The following CLASRP variants were observed in gnomAD, a reference collection of about 807,000 sequenced individuals.
CLASRP encodes the protein CLK4 associating serine/arginine rich protein, also known as CLK4-associating serine/arginine rich protein.
CLASRP carries 52 observed loss-of-function variants against 99.9 expected under a neutral mutation model. That is an observed-to-expected ratio of 0.52 (90% confidence interval 0.42 to 0.66). CLASRP has a LOEUF of 0.66. Ranked by LOEUF, CLASRP falls within the 30% of genes least tolerant of loss-of-function variation. The pLI is 0.00. For missense variants in CLASRP, 848 were observed against 999.2 expected (o/e 0.85, Z 2.04); for synonymous variants, 379 against 373.0 (o/e 1.02, Z -0.18).
intron 6 of CLASRP, among the ~76,000 whole-genome samples, chr19:45,057,347 G>T (rs181695948): frequency 6.6e-6 from 1 of 152,152 alleles, no homozygotes; most frequent in South Asian, 2.1e-4. Context: ...CCTCGTCCAC[G>T]GCCCCAGCCT....
chr19:45,040,415 T>C (rs1971789644), intron 2 of CLASRP, 104 bp downstream of exon 2: 2 of 726,958 alleles, frequency 2.8e-6, no homozygotes, highest in Admixed American at 2.3e-5. Flanking sequence ...GACAAGAGGC[T>C]CATTTCCTCA....
intron 13 of CLASRP, among the ~76,000 whole-genome samples, chr19:45,066,311 G>T (rs1967086127): frequency 6.6e-6 from 1 of 151,862 alleles, no homozygotes; most frequent in Admixed American, 6.6e-5. Flanking sequence ...GTAGAGACGG[G>T]GTTTCACTGT....
chr19:45,043,331 GAAC>G (rs1225371066), intron 2 of CLASRP, among the ~76,000 whole-genome samples: 1 of 138,698 alleles, frequency 7.2e-6, no homozygotes, highest in Non-Finnish European at 1.5e-5. Flanking sequence ...AGAATGGCAT[GAAC>G]CCGGGAGACA....
intron 6 of CLASRP, 95 bp downstream of exon 6, chr19:45,056,629 C>T (rs1972124294): frequency 3.1e-6 from 3 of 956,798 alleles, no homozygotes; most frequent in African/African-American, 1.6e-5. Flanking sequence ...ACCAGGGTCT[C>T]CCCGAAACCA....
intron 3 of CLASRP, 128 bp from the exon 4 acceptor site, chr19:45,052,663 C>A: frequency 1.5e-6 from 1 of 667,930 alleles, no homozygotes; most frequent in South Asian, 1.7e-5. Flanking sequence ...AGGTGAGGGT[C>A]ATGGCATGGG....
At chr19:45,068,336 AAAG>A in intron 15 of CLASRP, 81 bp from the exon 16 acceptor site, 2 of 267,226 alleles carry the variant, frequency 7.5e-6, no homozygotes, top group East Asian at 8.5e-5. Context: ...CCCCCCGCAC[AAAG>A]CCCCAGGCTT....
chr19:45,044,258 G>T (rs1971871697), intron 2 of CLASRP, among the ~76,000 whole-genome samples: 1 of 152,226 alleles, frequency 6.6e-6, no homozygotes, highest in South Asian at 2.1e-4. Flanking sequence ...CTCTGAACAG[G>T]CCTGCGAGGT....
rs1233782872 is a variant in CLASRP, at chr19:45,041,704, G to T, written c.99+1393G>T. 4.6e-5 allele frequency among the ~76,000 whole-genome samples: 7 copies of T among 152,310 alleles called. No individual in the cohort carries two copies. The South Asian group carries it at 1.2e-3, about 27-fold the overall frequency. ...CCTTCGTTGCTCAGAGCACCTCTAT[G>T]CCTCCTAAGTGCCCTTGAGAGAAAG... On this transcript the variant is annotated intron_variant, in intron 2 of 20. Coordinates refer to ENST00000221455, the MANE Select transcript of CLASRP (RefSeq NM_007056.3).
At chr19:45,059,608 C>T (rs1966893467) in intron 8 of CLASRP, among the ~76,000 whole-genome samples, 1 of 152,210 alleles carries the variant, frequency 6.6e-6, no homozygotes, top group South Asian at 2.1e-4. Context: ...GCGAATCTGA[C>T]TCTTCGAAGC....
rs1298985786 is a variant in CLASRP at position 45,064,434 on chromosome 19, G to T, written c.1213G>T (p.Gly405Cys). The change falls in exon 13 of 21, where the codon GGT (glycine) becomes TGT (cysteine). Residue 405 changes from glycine (G) to cysteine (C), a missense_variant. By Grantham distance (159) the Gly-to-Cys change is radical. Around this residue, in one of 8 missense-constraint regions of CLASRP, gnomAD observed 489 missense variants for 434.7 expected, o/e 1.12. Coordinates refer to ENST00000221455, the MANE Select transcript of CLASRP (RefSeq NM_007056.3). The stretch of plus-strand genomic sequence containing the variant: ...TCGCTCCAGCTCCCGCTCTCGCCGT[G>T]GTGGGGGCTACTACCGTTCCGGCCG... ...SSRSSSRSRR[G>C]GGYYRSGRHA... 6.0e-5 allele frequency: 91 copies of T among 1,524,916 alleles called. No individual in the cohort carries two copies. Among genetic ancestry groups the T allele is most frequent in the Non-Finnish European group, 7.9e-5 (90 of 1,136,864 alleles). 94.5% of individuals were successfully genotyped at this position (1,524,916 alleles called of 1,614,324 possible). A position where few individuals can be genotyped will look rare whatever the true frequency, so the allele number is the denominator to read the frequency against.
intron 2 of CLASRP, among the ~76,000 whole-genome samples, chr19:45,048,853 G>A (rs916132518): frequency 6.6e-6 from 1 of 151,702 alleles, no homozygotes; most frequent in East Asian, 1.9e-4. Context: ...AAGCGTGGTG[G>A]CGGGCACCTG....
intron 6 of CLASRP, 146 bp downstream of exon 6, chr19:45,056,680 T>C (rs1293159842): frequency 4.4e-6 from 3 of 678,872 alleles, no homozygotes; most frequent in Admixed American, 2.7e-5. Context: ...AATTAATAAC[T>C]GTGTAGAGGA....
intron 2 of CLASRP, 120 bp from the exon 3 acceptor site, chr19:45,051,949 CAG>C: frequency 2.8e-6 from 2 of 715,826 alleles, no homozygotes; most frequent in Non-Finnish European, 4.8e-6. Flanking sequence ...GCCTGGGCGA[CAG>C]AGTGAGGCTC....
intron 2 of CLASRP, among the ~76,000 whole-genome samples, chr19:45,044,161 C>T (rs1216627376): frequency 3.3e-5 from 5 of 152,334 alleles, no homozygotes; most frequent in South Asian, 2.1e-4. Flanking sequence ...GGATTATAGG[C>T]GTGAGCCACC....
intron 6 of CLASRP, among the ~76,000 whole-genome samples, chr19:45,056,769 G>T (rs1434483927): frequency 1.3e-5 from 2 of 152,208 alleles, no homozygotes; most frequent in African/African-American, 4.8e-5. Context: ...GGAGGTGCAG[G>T]CCCTGTGGTG....
chr19:45,053,676 C>T (rs754144632), intron 5 of CLASRP, among the ~76,000 whole-genome samples: 1 of 152,084 alleles, frequency 6.6e-6, no homozygotes, highest in Admixed American at 6.6e-5. Flanking sequence ...GACGGGGTTT[C>T]GCCATATTGG....
intron 2 of CLASRP, among the ~76,000 whole-genome samples, chr19:45,043,411 CAAAAAAAAAAAA>C (rs34898629): frequency 1.2e-5 from 1 of 81,764 alleles, no homozygotes; most frequent in African/African-American, 5.1e-5. Context: ...GACTCCGTCC[CAAAAAAAAAAAA>C]AAAAAAAAAA....
At chr19:45,043,091 T>G (rs908585128) in intron 2 of CLASRP, among the ~76,000 whole-genome samples, 1 of 152,086 alleles carries the variant, frequency 6.6e-6, no homozygotes, top group East Asian at 1.9e-4. Context: ...GTCTTTGGAC[T>G]TGGGTGCCAT....
chr19:45,041,946 C>T (rs1971821250), intron 2 of CLASRP, among the ~76,000 whole-genome samples: 1 of 152,226 alleles, frequency 6.6e-6, no homozygotes, highest in South Asian at 2.1e-4. Context: ...AGATCTCAGT[C>T]CTCAGAGAAG....
Sources: gnomAD v4.1 joint callset for allele counts (sites outside exome capture counted in the v4.1 genomes callset) on GRCh38, gnomAD v4.1.1 for gene constraint, gnomAD v4.1.1 regional missense constraint, MANE v1.5 for transcripts, NCBI Gene and HGNC (gene_info 2026-07-23, HGNC 2026-07-21) for gene names.